Variants in NBEA observed in about 807,000 individuals in gnomAD.
NBEA encodes the protein lysosomal-trafficking regulator 2.
A neutral mutation model predicts 343.4 loss-of-function variants in NBEA; 44 were observed. The observed-to-expected ratio is 0.13, with a 90% confidence interval of 0.10 to 0.16. The LOEUF is 0.16. Ranked by LOEUF, NBEA falls within the 10% of genes least tolerant of loss-of-function variation. NBEA has a pLI of 1.00. For synonymous variants in NBEA, 1,175 were observed against 1,238.7 expected (o/e 0.95, Z 1.08); for missense variants, 2,555 against 3,631.3 (o/e 0.70, Z 7.62).
chr13:35,489,082 T>A (rs1392933864), intron 41 of NBEA, among the ~76,000 whole-genome samples: 1 of 147,756 alleles, frequency 6.8e-6, no homozygotes, highest in Non-Finnish European at 1.5e-5. Flanking sequence ...ATTTGCCAAG[T>A]TTTTTTTTTA....
chr13:35,660,971 C>G (rs1397757134), intron 55 of NBEA, among the ~76,000 whole-genome samples: 1 of 152,140 alleles, frequency 6.6e-6, no homozygotes, highest in African/African-American at 2.4e-5. Context: ...ATTGGAACAT[C>G]GATGGCACAG....
At chr13:35,548,430 C>T (rs4606576) in intron 41 of NBEA, among the ~76,000 whole-genome samples, 95,211 of 151,964 alleles carry the variant, frequency 0.63, 33,460 homozygotes, top group Non-Finnish European at 0.78. Context: ...CAAAATATGA[C>T]TCTGTGTGTG....
At chr13:35,615,287 CAAA>C (rs35687768) in intron 48 of NBEA, among the ~76,000 whole-genome samples, 4,337 of 116,794 alleles carry the variant, frequency 0.037, 244 homozygotes, top group African/African-American at 0.13. Context: ...GACCCTGTCT[CAAA>C]AAAAAAAAAA....
chr13:35,194,573 TTA>T (rs2072445440), intron 30 of NBEA, among the ~76,000 whole-genome samples: 1 of 152,088 alleles, frequency 6.6e-6, no homozygotes, highest in Non-Finnish European at 1.5e-5. Context: ...TAGCTAACAT[TTA>T]CTGAGCTTCT....
intron 1 of NBEA, among the ~76,000 whole-genome samples, chr13:34,963,348 T>C (rs2059718032): frequency 6.6e-6 from 1 of 151,986 alleles, no homozygotes. Context: ...TATGTGAACA[T>C]CAGTTATATT....
rs1042725873 is a variant in NBEA at position 35,628,134 on chromosome 13, A to G, written c.7503A>G (p.Ile2501Met). 1 of 1,613,310 alleles carries G rather than the reference A, an allele frequency of 6.2e-7. No individual in the cohort carries two copies. The highest frequency in any genetic ancestry group is 8.5e-7 in the Non-Finnish European group (1 of 1,179,606). The change falls in exon 49 of 59, where the codon ATA becomes ATG. Residue 2501 changes from isoleucine (I) to methionine (M), a missense_variant. Physicochemically the swap from Ile to Met is conservative, Grantham distance 10. Around this residue, in one of 21 missense-constraint regions of NBEA, gnomAD observed 11 missense variants for 33.2 expected, o/e 0.33. Coordinates refer to ENST00000379939, the MANE Select transcript of NBEA (RefSeq NM_001385012.1). ...SCQLHQWIDL[I>M]FGYKQRGPEA... ...AACTTCATCAGTGGATCGACCTTAT[A>G]TTTGGCTATAAGCAGCGAGGACCAG...
intron 55 of NBEA, among the ~76,000 whole-genome samples, chr13:35,658,722 C>A (rs2153083737): frequency 6.6e-6 from 1 of 152,272 alleles, no homozygotes; most frequent in Non-Finnish European, 1.5e-5. Flanking sequence ...ATGAAAAAAA[C>A]TGGTTTTAGC....
At chr13:35,251,806 C>T (rs2031997929) in intron 34 of NBEA, 1 of 179,954 alleles carries the variant, frequency 5.6e-6, no homozygotes, top group African/African-American at 2.4e-5. Context: ...CCCACCTGCC[C>T]ACGGGGCAGT....
At chr13:35,329,176 A>G (rs1209970630) in intron 36 of NBEA, among the ~76,000 whole-genome samples, 1 of 152,004 alleles carries the variant, frequency 6.6e-6, no homozygotes, top group African/African-American at 2.4e-5. Flanking sequence ...ATGGGAATAA[A>G]TAGATTGTCA....
At chr13:35,342,133 A>G (rs972120392) in intron 36 of NBEA, among the ~76,000 whole-genome samples, 5 of 152,116 alleles carry the variant, frequency 3.3e-5, no homozygotes, top group African/African-American at 1.2e-4. Flanking sequence ...CATTTAAATG[A>G]AATGTCTAGA....
chr13:35,265,648 G>T (rs568742859), intron 34 of NBEA, among the ~76,000 whole-genome samples: 1 of 151,856 alleles, frequency 6.6e-6, no homozygotes, highest in South Asian at 2.1e-4. Context: ...GGGAAAATTG[G>T]CTATCCATGT....
intron 34 of NBEA, among the ~76,000 whole-genome samples, chr13:35,265,548 G>T (rs2033604081): frequency 6.6e-6 from 1 of 151,744 alleles, no homozygotes; most frequent in African/African-American, 2.4e-5. Flanking sequence ...AGATAGCCCA[G>T]AAATAAATCC....
At chr13:35,475,123 G>A in intron 41 of NBEA, 1 of 1,614,074 alleles carries the variant, frequency 6.2e-7, no homozygotes, top group African/African-American at 1.3e-5. Context: ...CGTTTGTTTG[G>A]CAGCGTTTTC....
At chr13:35,348,751 A>G (rs953563215) in intron 36 of NBEA, among the ~76,000 whole-genome samples, 1 of 152,084 alleles carries the variant, frequency 6.6e-6, no homozygotes, top group African/African-American at 2.4e-5. Flanking sequence ...GATTTCCTAA[A>G]GTGTGGTCAT....
intron 38 of NBEA, among the ~76,000 whole-genome samples, chr13:35,391,274 CA>C (rs76463042): frequency 0.048 from 4,632 of 97,056 alleles, 160 homozygotes; most frequent in African/African-American, 0.13. Flanking sequence ...GACTTGATCT[CA>C]AAAAAAAAAA....
Position 35,649,741 on chromosome 13 carries a change from A to C in NBEA, c.7857A>C (p.Pro2619=). 2.5e-6 allele frequency: 4 copies of C among 1,614,022 alleles called. No homozygotes were observed. Among genetic ancestry groups the C allele is most frequent in the Non-Finnish European group, 3.4e-6 (4 of 1,179,886 alleles). The change falls in exon 52 of 59, where the codon CCA becomes CCC. Residue 2619 remains proline, a synonymous_variant. Coordinates refer to ENST00000379939, the MANE Select transcript of NBEA (RefSeq NM_001385012.1). ...TGCTGAAGTTTCCTTCAAATTCTCC[A>C]GTAACCCATGTGGCAGCCAACACTC... ...IMVLKFPSNS[P]VTHVAANTLP...
chr13:34,993,953 T>G (rs2060848152), intron 1 of NBEA, among the ~76,000 whole-genome samples: 1 of 151,940 alleles, frequency 6.6e-6, no homozygotes. Context: ...ATCCCAGCAC[T>G]TTGGGAGGCT....
intron 36 of NBEA, among the ~76,000 whole-genome samples, chr13:35,339,502 C>T (rs1315330253): frequency 3.3e-5 from 5 of 152,008 alleles, no homozygotes; most frequent in Admixed American, 3.3e-4. Flanking sequence ...AATAAGCTAC[C>T]ACTGCATAAC....
At chr13:35,039,504 C>A (rs1400356624) in intron 1 of NBEA, among the ~76,000 whole-genome samples, 1 of 152,128 alleles carries the variant, frequency 6.6e-6, no homozygotes, top group Admixed American at 6.6e-5. Context: ...TATGAACTTG[C>A]ATGAAGACAG....
Sources: allele counts gnomAD v4.1 joint callset (sites outside exome capture counted in the v4.1 genomes callset), GRCh38; gene constraint gnomAD v4.1.1; regional missense constraint gnomAD v4.1.1; transcripts MANE v1.5; gene names NCBI Gene and HGNC (gene_info 2026-07-23, HGNC 2026-07-21).